The following TNIK variants were observed in gnomAD, a reference collection of about 807,000 sequenced individuals.
TNIK encodes TRAF2 and NCK-interacting protein kinase.
Under a neutral mutation model 191.3 loss-of-function variants are expected in TNIK, and 49 were observed. That is an observed-to-expected ratio of 0.26 (90% confidence interval 0.20 to 0.32). TNIK has a LOEUF of 0.32. TNIK is among the 10% of genes least tolerant of loss of function. TNIK has a pLI of 1.00. For synonymous variants in TNIK, 594 were observed against 600.9 expected (o/e 0.99, Z 0.17); for missense variants, 1,155 against 1,702.3 (o/e 0.68, Z 5.66).
intron 2 of TNIK, among the ~76,000 whole-genome samples, chr3:171,339,545 G>A (rs951119527): frequency 5.9e-5 from 9 of 152,210 alleles, no homozygotes; most frequent in Middle Eastern, 6.8e-3. Context: ...GTTTGTGGAA[G>A]TATCCCAAGC....
chr3:171,110,572 G>T, intron 19 of TNIK, 142 bp downstream of exon 19: 1 of 1,103,394 alleles, frequency 9.1e-7, no homozygotes, highest in Non-Finnish European at 1.3e-6. Flanking sequence ...GGAGACTGGG[G>T]TTGAGAGCAG....
chr3:171,265,914 C>T (rs998191957), intron 2 of TNIK, among the ~76,000 whole-genome samples: 2 of 152,148 alleles, frequency 1.3e-5, no homozygotes, highest in Admixed American at 6.5e-5. Context: ...CTGCAGTTGG[C>T]TGTTCAGTTA....
In TNIK at chr3:171,074,802, T is replaced by C. The variant is rs568669622; in HGVS notation, c.3449-3479A>G. The stretch of plus-strand genomic sequence containing the variant: ...TGTCAGTGCTGTTGTGGCTGGAATT[T>C]CATAGGGGAAGCTAAGTGGAAACTA... On this transcript the variant is annotated intron_variant, in intron 28 of 32. Transcript: ENST00000436636. Among the ~76,000 whole-genome samples, 7 of 152,364 alleles carry C rather than the reference T, an allele frequency of 4.6e-5. No homozygotes were observed. In the South Asian group the frequency reaches 1.4e-3, roughly 32 times the overall value.
chr3:171,085,425 C>T lies in TNIK; in HGVS notation c.2887-196G>A, dbSNP rs373487944. On this transcript the variant is annotated intron_variant, in intron 24 of 32. Transcript: ENST00000436636. ...GGTTACTCACTAGTCATTGTGCATT[C>T]GTAGGACTTCATTAATTATCAGACT... Among the ~76,000 whole-genome samples the T allele has an allele frequency of 8.9e-4, 136 of 152,272 alleles. 2 individuals carry two copies. The highest frequency in any genetic ancestry group is 3.0e-3 in the African/African-American group (125 of 41,542).
chr3:171,176,758 A>G (rs1467474802), intron 8 of TNIK, among the ~76,000 whole-genome samples: 3 of 152,184 alleles, frequency 2.0e-5, no homozygotes, highest in Non-Finnish European at 2.9e-5. Flanking sequence ...CACTTCCTAT[A>G]TGGAAGTCTG....
At chr3:171,350,998 C>T (rs1048090249) in intron 2 of TNIK, among the ~76,000 whole-genome samples, 12 of 152,122 alleles carry the variant, frequency 7.9e-5, no homozygotes, top group Admixed American at 3.9e-4. Flanking sequence ...TCAAGCTATT[C>T]GCGTGCCTCA....
At chr3:171,141,011 A>T (rs1730749181) in intron 12 of TNIK, among the ~76,000 whole-genome samples, 1 of 152,144 alleles carries the variant, frequency 6.6e-6, no homozygotes, top group Non-Finnish European at 1.5e-5. Context: ...ACTGACTCCC[A>T]CCTAGTCTGC....
chr3:171,139,429 G>T, intron 14 of TNIK, 41 bp downstream of exon 14: 3 of 1,478,182 alleles, frequency 2.0e-6, no homozygotes, highest in South Asian at 2.3e-5. Context: ...CTTGCAAGAT[G>T]AACACAGAGC....
intron 2 of TNIK, among the ~76,000 whole-genome samples, chr3:171,294,434 T>C (rs1752032499): frequency 6.6e-6 from 1 of 151,674 alleles, no homozygotes; most frequent in African/African-American, 2.4e-5. Flanking sequence ...CAAATAATAA[T>C]AGTAGGCCAG....
intron 9 of TNIK, among the ~76,000 whole-genome samples, chr3:171,168,019 T>TA (rs1334935790): frequency 5.9e-5 from 9 of 152,208 alleles, no homozygotes; most frequent in Non-Finnish European, 1.2e-4. Flanking sequence ...TATCTTCCTC[T>TA]AGAAAGGCAA....
chr3:171,238,362 C>CTACATTGTA, intron 2 of TNIK, among the ~76,000 whole-genome samples: 1 of 151,062 alleles, frequency 6.6e-6, no homozygotes. Flanking sequence ...TACAAATATA[C>CTACATTGTA]TACATTGTAA....
At chr3:171,291,540 C>T (rs1022028084) in intron 2 of TNIK, among the ~76,000 whole-genome samples, 2 of 152,170 alleles carry the variant, frequency 1.3e-5, no homozygotes, top group Non-Finnish European at 2.9e-5. Flanking sequence ...TTCCCCCAAA[C>T]CTTCTAGAAC....
intron 4 of TNIK, among the ~76,000 whole-genome samples, chr3:171,206,627 A>G (rs35718342): frequency 0.27 from 41,004 of 151,852 alleles, 5,826 homozygotes; most frequent in East Asian, 0.5. Flanking sequence ...CAGAACTTCC[A>G]ACCAAGCTAA....
chr3:171,108,210 T>G (rs1725267671), intron 19 of TNIK, 48 bp from the exon 20 acceptor site: 4 of 1,437,228 alleles, frequency 2.8e-6, no homozygotes, highest in Non-Finnish European at 9.3e-7. Context: ...CATCAAAAAG[T>G]GCTGGCTCAA....
intron 2 of TNIK, among the ~76,000 whole-genome samples, chr3:171,237,094 A>G (rs1465018206): frequency 2.0e-5 from 3 of 152,220 alleles, no homozygotes; most frequent in Non-Finnish European, 4.4e-5. Flanking sequence ...TCAGAAAGAA[A>G]AAGGACCACA....
At position 171,352,689 on chromosome 3, in the gene TNIK, T is replaced by C. The variant is rs183176200; in HGVS notation, c.123+16931A>G. Among the ~76,000 whole-genome samples the C allele has an allele frequency of 1.1e-3, 165 of 152,324 alleles. 2 individuals are homozygous for C. The highest frequency in any genetic ancestry group is 3.5e-3 in the South Asian group (17 of 4,828). On this transcript the variant is annotated intron_variant, in intron 2 of 32. Coordinates refer to ENST00000436636, the MANE Select transcript of TNIK (RefSeq NM_015028.4). ...TTAATACTGAAGAATGACTTGTGAT[T>C]AGCATATCAACAAGAATAAACAGTC... is the stretch of plus-strand genomic sequence containing the variant.
intron 4 of TNIK, among the ~76,000 whole-genome samples, chr3:171,195,742 C>A (rs377321342): frequency 6.6e-6 from 1 of 152,074 alleles, no homozygotes; most frequent in African/African-American, 2.4e-5. Context: ...GATTCCACAA[C>A]GGCTAGGGAA....
At chr3:171,427,189 C>T (rs1724754364) in intron 1 of TNIK, among the ~76,000 whole-genome samples, 1 of 152,148 alleles carries the variant, frequency 6.6e-6, no homozygotes, top group Admixed American at 6.6e-5. Flanking sequence ...CTACTTCATA[C>T]CTTTCCTGCC....
At chr3:171,090,049 A>G (rs1348387919) in intron 23 of TNIK, among the ~76,000 whole-genome samples, 1 of 152,186 alleles carries the variant, frequency 6.6e-6, no homozygotes, top group Non-Finnish European at 1.5e-5. Flanking sequence ...TATTAAGCCC[A>G]AGAGACATGG....
Sources: allele counts gnomAD v4.1 joint callset (sites outside exome capture counted in the v4.1 genomes callset), GRCh38; gene constraint gnomAD v4.1.1; transcripts MANE v1.5; gene names NCBI Gene and HGNC (gene_info 2026-07-23, HGNC 2026-07-21).